Variants in ABCA10 observed in about 807,000 individuals in gnomAD.
The protein encoded by ABCA10 is ATP binding cassette subfamily A member 10, also known as ATP-binding cassette sub-family A member 10.
A neutral mutation model predicts 187.5 loss-of-function variants in ABCA10; 169 were observed. The ratio of observed to expected loss-of-function variants is 0.90; its 90% CI spans 0.80 to 1.02. The LOEUF (loss-of-function observed/expected upper bound fraction) is 1.02, where lower values mean the gene tolerates loss of function less well. ABCA10 is among the 50% of genes least tolerant of loss of function. The probability of loss-of-function intolerance (pLI) is 0.00; values close to 1 mark genes in which losing one functional copy is unlikely to be tolerated. For synonymous variants in ABCA10, 574 were observed against 601.8 expected (o/e 0.95, Z 0.68); for missense variants, 1,727 against 1,812.4 (o/e 0.95, Z 0.86).
At chr17:69,184,036 T>C (rs903460200) in intron 20 of ABCA10, among the ~76,000 whole-genome samples, 2 of 152,126 alleles carry the variant, frequency 1.3e-5, no homozygotes, top group African/African-American at 4.8e-5. Flanking sequence ...TGTAGGGGCA[T>C]TGAGACCACT....
At chr17:69,226,498 A>G (rs2074794473) in intron 2 of ABCA10, among the ~76,000 whole-genome samples, 1 of 152,052 alleles carries the variant, frequency 6.6e-6, no homozygotes, top group Non-Finnish European at 1.5e-5. Flanking sequence ...TACATGGTCA[A>G]GGCAGATCCA....
Position 69,171,741 on chromosome 17 carries a change from G to A in ABCA10, c.3162+2540C>T, listed in dbSNP as rs992243887. ...AGCAACTGACTGATAGCAGACATCT[G>A]AACAGTTAAAATGTAAGCAACAAGA... On this transcript the variant is annotated intron_variant, in intron 25 of 38. Transcript: ENST00000690296. 2.1e-4 allele frequency among the ~76,000 whole-genome samples: 32 copies of A among 152,268 alleles called. 1 individual carries two copies. Among genetic ancestry groups the A allele is most frequent in the Non-Finnish European group, 3.7e-4 (25 of 68,022 alleles).
intron 19 of ABCA10, among the ~76,000 whole-genome samples, 198 bp downstream of exon 19, chr17:69,187,483 C>A (rs1568060957): frequency 6.6e-6 from 1 of 152,116 alleles, no homozygotes; most frequent in Non-Finnish European, 1.5e-5. Context: ...AAAACCTTTT[C>A]TTTCCTCAAA....
intron 25 of ABCA10, among the ~76,000 whole-genome samples, chr17:69,168,962 C>T (rs1429034309): frequency 6.6e-6 from 1 of 152,200 alleles, no homozygotes; most frequent in Non-Finnish European, 1.5e-5. Context: ...ATATCTTTAT[C>T]AGCAGTGTGA....
chr17:69,162,838 C>CATATACATATACATATAT lies in ABCA10; in HGVS notation c.3363+1235_3363+1236insATATATGTATATGTATAT, dbSNP rs375141032. On this transcript the variant is annotated intron_variant, in intron 27 of 38. Transcript: ENST00000690296. The stretch of plus-strand genomic sequence containing the variant: ...ACATATACATATACATATACATATA[C>CATATACATATACATATAT]ATATATATATATATATATGAGACGG... Among the ~76,000 whole-genome samples, 695 of 120,794 alleles carry CATATACATATACATATAT rather than the reference C, an allele frequency of 5.8e-3. 9 individuals carry two copies. The highest frequency in any genetic ancestry group is 0.035 in the East Asian group (142 of 4,014). 79.2% of individuals were successfully genotyped at this position (120,794 alleles called of 152,430 possible).
intron 30 of ABCA10, 114 bp from the exon 31 acceptor site, chr17:69,154,440 T>TC: frequency 4.7e-6 from 3 of 636,296 alleles, no homozygotes; most frequent in African/African-American, 4.0e-5. Context: ...TTTTTTTTTT[T>TC]CAGAGACAGA....
chr17:69,154,258 A>G lies in ABCA10; in HGVS notation c.3763T>C (p.Cys1255Arg), dbSNP rs762268158. 1 of 1,611,976 alleles carries G rather than the reference A, an allele frequency of 6.2e-7. No individual in the cohort carries two copies. ...ACCACTCCTGCAGTTGGCTTTGTGC[A>G]CCCAGTTATCATTTTAATGGAAGTA... ...KSTSIKMITG[C>R]TKPTAGVVVL... Residue 1255 changes from cysteine (C) to arginine (R), a missense_variant, in exon 31 of 39, where the codon TGC becomes CGC. Coordinates refer to ENST00000690296, the MANE Select transcript of ABCA10 (RefSeq NM_001377321.1).
intron 5 of ABCA10, among the ~76,000 whole-genome samples, 192 bp downstream of exon 5, chr17:69,221,600 T>C (rs2074747865): frequency 6.6e-6 from 1 of 152,054 alleles, no homozygotes; most frequent in Non-Finnish European, 1.5e-5. Flanking sequence ...TAGGGGGTCA[T>C]AGGTCTGTAG....
At position 69,181,059 on chromosome 17, in the gene ABCA10, T is replaced by C. The variant is rs184063603; in HGVS notation, c.2769+1094A>G. The stretch of plus-strand genomic sequence containing the variant: ...CAGAATTTTAAATGACAAAGAACAA[T>C]AGAACTGTTAAAAAATCATAATTTT... On this transcript the variant is annotated intron_variant, in intron 22 of 38. Transcript: ENST00000690296. Among the ~76,000 whole-genome samples the C allele has an allele frequency of 2.4e-3, 363 of 152,080 alleles. 1 individual carries two copies. The highest frequency in any genetic ancestry group is 3.1e-3 in the Non-Finnish European group (211 of 67,910).
chr17:69,219,574 T>C lies in ABCA10; in HGVS notation c.501A>G (p.Thr167=), dbSNP rs759899814. ...ATGCTGACTCTCGGAGACCCATCAC[T>C]GTCATCAGTTTCTTAAATTTTCCTC... ...RERGKFKKLM[T]VMGLRESAFW... is the part of the protein sequence containing the mutation. The change falls in exon 6 of 39, where the codon ACA becomes ACG. Residue 167 remains threonine, a synonymous_variant. Transcript: ENST00000690296. The C allele has an allele frequency of 2.8e-5, 45 of 1,606,208 alleles. No individual in the cohort carries two copies. Among genetic ancestry groups the C allele is most frequent in the Non-Finnish European group, 3.4e-5 (40 of 1,176,546 alleles).
At chr17:69,214,242 G>T (rs539813805) in intron 9 of ABCA10, among the ~76,000 whole-genome samples, 3 of 152,266 alleles carry the variant, frequency 2.0e-5, no homozygotes, top group Admixed American at 6.5e-5. Flanking sequence ...TCGGCCGGGC[G>T]CGGTGGCTCA....
chr17:69,149,258 T>C (rs2074110426), intron 37 of ABCA10, 170 bp from the exon 38 acceptor site: 3 of 660,018 alleles, frequency 4.5e-6, no homozygotes, highest in Middle Eastern at 3.5e-4. Flanking sequence ...TAATAAAAGA[T>C]AGCCATGCAT....
At chr17:69,214,566 G>T (rs1489662293) in intron 9 of ABCA10, 138 bp downstream of exon 9, 1 of 724,358 alleles carries the variant, frequency 1.4e-6, no homozygotes, top group Non-Finnish European at 2.0e-6. Context: ...AAATGGAAAT[G>T]AGGAAATTCT....
rs77201469 is a variant in ABCA10 at position 69,201,477 on chromosome 17, T to C, written c.1175+23A>G. ...CTAAGCTTTTACCTATAAGTGTACA[T>C]AGTCATGTAATTTCTTAGTTACCTT... On this transcript the variant is annotated intron_variant, in intron 10 of 38. Transcript: ENST00000690296. 8.7e-4 allele frequency: 1,339 copies of C among 1,546,252 alleles called. 12 individuals carry two copies. The African/African-American group carries it at 0.014, about 16-fold the overall frequency.
chr17:69,227,743 C>CACAT (rs1398807088), intron 1 of ABCA10, among the ~76,000 whole-genome samples: 1 of 151,908 alleles, frequency 6.6e-6, no homozygotes, highest in East Asian at 1.9e-4. Context: ...CACATCTGGG[C>CACAT]ACATGTATTT....
intron 5 of ABCA10, 85 bp from the exon 6 acceptor site, chr17:69,219,856 A>G (rs903625614): frequency 2.0e-5 from 19 of 927,872 alleles, no homozygotes; most frequent in Non-Finnish European, 2.7e-5. Flanking sequence ...TTCGATTTCA[A>G]TATTTACATA....
chr17:69,225,369 GT>G lies in ABCA10; in HGVS notation c.-12del. The G allele has an allele frequency of 6.2e-7, 1 of 1,613,070 alleles. No homozygotes were observed. The highest frequency in any genetic ancestry group is 8.5e-7 in the Non-Finnish European group (1 of 1,179,320). ...GGCCATCTTATTCATTATCCTTTGT[GT>G]TATGTTACTGACTGGTGTATATGCC... On this transcript the variant is annotated 5_prime_UTR_variant, in exon 3 of 39. Coordinates refer to ENST00000690296, the MANE Select transcript of ABCA10 (RefSeq NM_001377321.1).
intron 9 of ABCA10, among the ~76,000 whole-genome samples, chr17:69,208,572 T>A (rs969675992): frequency 1.1e-4 from 17 of 152,070 alleles, no homozygotes; most frequent in Non-Finnish European, 2.1e-4. Context: ...CTACAAAAAA[T>A]TCTCATTTTG....
intron 9 of ABCA10, among the ~76,000 whole-genome samples, chr17:69,208,654 T>A (rs1329425262): frequency 2.6e-5 from 4 of 151,902 alleles, no homozygotes; most frequent in Non-Finnish European, 4.4e-5. Context: ...TAACGAATGA[T>A]GGACAAAGGA....
Sources: allele counts gnomAD v4.1 joint callset (sites outside exome capture counted in the v4.1 genomes callset), GRCh38; gene constraint gnomAD v4.1.1; transcripts MANE v1.5; gene names NCBI Gene and HGNC (gene_info 2026-07-23, HGNC 2026-07-21).